TMEM163: variants seen among roughly 807,000 people sequenced by gnomAD.
TMEM163 encodes the protein transmembrane protein 163.
In TMEM163, 17 loss-of-function variants were observed where a neutral mutation model predicts 29.3. The observed-to-expected ratio is 0.58, with a 90% CI of 0.40 to 0.87. The LOEUF (loss-of-function observed/expected upper bound fraction) is 0.87. Among genes scored for constraint, TMEM163 ranks in the 40% least tolerant of loss-of-function variants. The probability of loss-of-function intolerance (pLI) is 0.00; values close to 1 mark genes in which losing one functional copy is unlikely to be tolerated. For synonymous variants in TMEM163, 157 were observed against 160.6 expected (o/e 0.98, Z 0.17); for missense variants, 303 against 381.5 (o/e 0.79, Z 1.71).
intron 5 of TMEM163, among the ~76,000 whole-genome samples, chr2:134,491,744 GCT>G (rs1048241565): frequency 2.0e-5 from 3 of 152,134 alleles, no homozygotes; most frequent in African/African-American, 7.2e-5. Context: ...AAGCTAAAAA[GCT>G]CTTTTTTTGC....
At chr2:134,663,117 C>CA (rs569119102) in intron 2 of TMEM163, among the ~76,000 whole-genome samples, 152 of 152,068 alleles carry the variant, frequency 1.0e-3, no homozygotes, top group African/African-American at 3.2e-3. Context: ...GCCAGAAGAA[C>CA]AAAAAAAACT....
chr2:134,549,085 G>A (rs1382861516), intron 4 of TMEM163, among the ~76,000 whole-genome samples: 4 of 141,114 alleles, frequency 2.8e-5, no homozygotes, highest in Admixed American at 2.2e-4. Flanking sequence ...AACATCACAA[G>A]TTTGATTCTT....
chr2:134,586,212 T>C (rs1221114756), intron 2 of TMEM163, among the ~76,000 whole-genome samples: 1 of 152,244 alleles, frequency 6.6e-6, no homozygotes, highest in Non-Finnish European at 1.5e-5. Flanking sequence ...CAAGCTTGTA[T>C]TAGTTGGCAA....
chr2:134,480,502 G>A (rs1364842467), intron 5 of TMEM163, among the ~76,000 whole-genome samples: 1 of 152,014 alleles, frequency 6.6e-6, no homozygotes, highest in Middle Eastern at 3.2e-3. Flanking sequence ...CATTTGATTA[G>A]CCACAATTAA....
In TMEM163 at chr2:134,591,872, A is replaced by G. The variant is rs572424541; in HGVS notation, c.323-39781T>C. Among the ~76,000 whole-genome samples the G allele has an allele frequency of 3.3e-4, 50 of 151,554 alleles. 1 individual carries two copies. The highest frequency in any genetic ancestry group is 1.2e-3 in the African/African-American group (50 of 41,284). Reference sequence around the variant, plus strand: ...GCAATCACAGCCTATGAATGTGCACATGAGGCAGTCATTCAGACACACAGA... The same window carrying G: ...GCAATCACAGCCTATGAATGTGCACGTGAGGCAGTCATTCAGACACACAGA... On this transcript the variant is annotated intron_variant, in intron 2 of 7. Transcript: ENST00000281924.
At chr2:134,518,120 G>T (rs968504410) in intron 4 of TMEM163, among the ~76,000 whole-genome samples, 3 of 152,196 alleles carry the variant, frequency 2.0e-5, no homozygotes, top group Non-Finnish European at 4.4e-5. Context: ...TTCATCCATT[G>T]CATTGGGAAG....
chr2:134,707,868 AG>A (rs1041358215), intron 2 of TMEM163, among the ~76,000 whole-genome samples: 2 of 149,766 alleles, frequency 1.3e-5, no homozygotes, highest in African/African-American at 4.9e-5. Context: ...GTCTGAAAAA[AG>A]GGGGGCAAAA....
chr2:134,611,996 C>T (rs1326811973), intron 2 of TMEM163, among the ~76,000 whole-genome samples: 3 of 152,188 alleles, frequency 2.0e-5, no homozygotes, highest in South Asian at 2.1e-4. Flanking sequence ...GTGGAAGAAA[C>T]ACCGGAAAAC....
At position 134,585,679 on chromosome 2, in the gene TMEM163, T is replaced by C. The variant is rs148097594; in HGVS notation, c.323-33588A>G. On this transcript the variant is annotated intron_variant, in intron 2 of 7. Transcript: ENST00000281924. ...ATGGCGTGAACCCGGGAGGCGGAGC[T>C]TGCAGTGAGTCTAGATCGCGCCACT... Among the ~76,000 whole-genome samples the C allele has an allele frequency of 7.1e-3, 1,078 of 151,846 alleles. 10 individuals are homozygous for C. The highest frequency in any genetic ancestry group is 0.024 in the African/African-American group (1,006 of 41,338).
At chr2:134,591,045 C>T (rs1317797592) in intron 2 of TMEM163, among the ~76,000 whole-genome samples, 1 of 152,176 alleles carries the variant, frequency 6.6e-6, no homozygotes, top group Non-Finnish European at 1.5e-5. Flanking sequence ...GTAACTCAAG[C>T]TAAGGGCCTA....
Position 134,655,117 on chromosome 2 carries a change from C to A in TMEM163, c.322+58083G>T, listed in dbSNP as rs1391268092. On this transcript the variant is annotated intron_variant, in intron 2 of 7. Transcript: ENST00000281924. ...CCTGCCTTGCTAGATTGGTGAAGTT[C>A]TCCTGGATAATATCCTGCAGAGTGT... 1.5e-5 allele frequency among the ~76,000 whole-genome samples: 2 copies of A among 135,616 alleles called. 1 individual carries two copies. The highest frequency in any genetic ancestry group is 4.0e-4 in the East Asian group (2 of 5,010). 89.0% of individuals were successfully genotyped at this position (135,616 alleles called of 152,430 possible).
At chr2:134,604,912 G>A (rs1682317244) in intron 2 of TMEM163, among the ~76,000 whole-genome samples, 1 of 152,166 alleles carries the variant, frequency 6.6e-6, no homozygotes, top group African/African-American at 2.4e-5. Context: ...AGGTGCGGTG[G>A]CTCACACCTG....
At chr2:134,525,489 T>G (rs996899968) in intron 4 of TMEM163, among the ~76,000 whole-genome samples, 9 of 152,322 alleles carry the variant, frequency 5.9e-5, no homozygotes, top group African/African-American at 1.9e-4. Context: ...TTGCAGGAAT[T>G]CAACTACAAA....
chr2:134,534,275 A>T (rs200878330), intron 4 of TMEM163, among the ~76,000 whole-genome samples: 811 of 31,918 alleles, frequency 0.025, 10 homozygotes, highest in East Asian at 0.21. Context: ...GGACTTTTTT[A>T]AAAAAAATGC....
rs1162861998 is a variant in TMEM163, at chr2:134,460,053, C to T, written c.668-1880G>A. On this transcript the variant is annotated intron_variant, in intron 6 of 7. Coordinates refer to ENST00000281924, the MANE Select transcript of TMEM163 (RefSeq NM_030923.5). The surrounding 1 kb of genome is among the most constrained non-coding windows in gnomAD (Gnocchi z 4.3). ...CTTCCCTTACACCACCAACCTGCCCCTCGAGCCCCTTGCCAGATGTTACCC... is the reference window on the plus strand; with the variant it reads ...CTTCCCTTACACCACCAACCTGCCCTTCGAGCCCCTTGCCAGATGTTACCC... 1.3e-5 allele frequency among the ~76,000 whole-genome samples: 2 copies of T among 149,406 alleles called. No homozygotes were observed. The highest frequency in any genetic ancestry group is 5.0e-5 in the African/African-American group (2 of 39,790).
At chr2:134,606,431 A>G (rs908241714) in intron 2 of TMEM163, among the ~76,000 whole-genome samples, 1 of 152,050 alleles carries the variant, frequency 6.6e-6, no homozygotes, top group African/African-American at 2.4e-5. Context: ...TCTCGCCACA[A>G]TCAAAGTCAA....
intron 2 of TMEM163, among the ~76,000 whole-genome samples, chr2:134,650,135 T>A (rs529573297): frequency 8.2e-4 from 125 of 152,116 alleles, no homozygotes; most frequent in Non-Finnish European, 3.2e-4. Context: ...CATTTTTGTG[T>A]TTAAAAAAAC....
rs144480219 is a variant in TMEM163 at position 134,523,254 on chromosome 2, G to A, written c.459-20257C>T. Among the ~76,000 whole-genome samples the A allele has an allele frequency of 3.2e-3, 482 of 152,218 alleles. 5 individuals are homozygous for A. Among genetic ancestry groups the A allele is most frequent in the African/African-American group, 0.011 (466 of 41,534 alleles). ...GGAGTGGGTCTGCAGGTGGGGGTCGGAGCGTCTGTGTGCTATTACTGAACT... is the reference window on the plus strand; with the variant it reads ...GGAGTGGGTCTGCAGGTGGGGGTCGAAGCGTCTGTGTGCTATTACTGAACT... On this transcript the variant is annotated intron_variant, in intron 4 of 7. Coordinates refer to ENST00000281924, the MANE Select transcript of TMEM163 (RefSeq NM_030923.5).
chr2:134,561,832 C>T (rs1320337638), intron 2 of TMEM163, among the ~76,000 whole-genome samples: 4 of 152,208 alleles, frequency 2.6e-5, no homozygotes, highest in Non-Finnish European at 4.4e-5. Context: ...GTCTTTCATT[C>T]AACCAACAAG....
Sources: allele counts gnomAD v4.1 joint callset (sites outside exome capture counted in the v4.1 genomes callset), GRCh38; gene constraint gnomAD v4.1.1; non-coding constraint Gnocchi (gnomAD v3.1); transcripts MANE v1.5; gene names NCBI Gene and HGNC (gene_info 2026-07-23, HGNC 2026-07-21).